SNTB2: variants seen among roughly 807,000 people sequenced by gnomAD.
SNTB2 encodes beta-2-syntrophin.
SNTB2 carries 34 observed loss-of-function variants against 46.2 expected under a neutral mutation model. That is an observed-to-expected ratio of 0.74 (90% CI 0.56 to 0.98). The LOEUF is 0.98. SNTB2 is among the 50% of genes least tolerant of loss of function. The pLI is 0.00. For missense variants in SNTB2, 603 were observed against 731.4 expected, an observed-to-expected ratio of 0.82 and a Z score of 2.02; for synonymous variants, 290 against 312.6, an observed-to-expected ratio of 0.93 and a Z score of 0.76.
chr16:69,222,585 T>A (rs1964416690), intron 1 of SNTB2, among the ~76,000 whole-genome samples: 1 of 148,678 alleles, frequency 6.7e-6, no homozygotes, highest in African/African-American at 2.5e-5. Flanking sequence ...AGAGTGAGAC[T>A]TCATCTCAAA....
At chr16:69,238,691 C>T (rs141277538) in intron 1 of SNTB2, among the ~76,000 whole-genome samples, 213 of 152,184 alleles carry the variant, frequency 1.4e-3, no homozygotes, top group African/African-American at 4.7e-3. Flanking sequence ...TAGCCTTGTT[C>T]GGGACAAAAA....
intron 2 of SNTB2, among the ~76,000 whole-genome samples, chr16:69,251,174 T>C (rs1476978098): frequency 6.6e-6 from 1 of 150,914 alleles, no homozygotes; most frequent in Non-Finnish European, 1.5e-5. Context: ...GAGACGGGGT[T>C]TCACCGTTTT....
At chr16:69,289,174 C>G (rs1965135208) in intron 5 of SNTB2, among the ~76,000 whole-genome samples, 1 of 148,354 alleles carries the variant, frequency 6.7e-6, no homozygotes, top group South Asian at 2.1e-4. Context: ...GAGGCTGAGG[C>G]AAGAGAATTG....
intron 1 of SNTB2, 87 bp from the exon 2 acceptor site, chr16:69,245,515 G>T: frequency 7.7e-7 from 1 of 1,293,884 alleles, no homozygotes; most frequent in Admixed American, 1.7e-5. Context: ...CTTTGTTATA[G>T]ATATAGCATG....
intron 5 of SNTB2, among the ~76,000 whole-genome samples, chr16:69,287,000 A>G (rs1003343569): frequency 6.6e-6 from 1 of 152,208 alleles, no homozygotes; most frequent in African/African-American, 2.4e-5. Flanking sequence ...GTATCTAGCA[A>G]GTTTATGGCT....
intron 4 of SNTB2, among the ~76,000 whole-genome samples, chr16:69,281,499 GTT>G (rs1182165949): frequency 1.8e-5 from 2 of 111,684 alleles, no homozygotes; most frequent in Admixed American, 8.9e-5. Flanking sequence ...TTTTTTTTTT[GTT>G]TTTTTTTTTT....
At chr16:69,275,946 C>T (rs1272793600) in intron 4 of SNTB2, among the ~76,000 whole-genome samples, 7 of 152,118 alleles carry the variant, frequency 4.6e-5, no homozygotes, top group Non-Finnish European at 1.0e-4. Context: ...TATTGGATTG[C>T]ACATTTACAG....
At chr16:69,226,983 A>T (rs1964464677) in intron 1 of SNTB2, among the ~76,000 whole-genome samples, 1 of 152,216 alleles carries the variant, frequency 6.6e-6, no homozygotes, top group African/African-American at 2.4e-5. Context: ...AGCAGATAAG[A>T]TTATACATAT....
chr16:69,210,291 G>A (rs543796479), intron 1 of SNTB2, among the ~76,000 whole-genome samples: 4 of 152,130 alleles, frequency 2.6e-5, no homozygotes, highest in Admixed American at 2.6e-4. Context: ...AGGCTGGAGT[G>A]CAGTGGCGCA....
chr16:69,283,993 C>T (rs1965075282), intron 4 of SNTB2, 55 bp from the exon 5 acceptor site: 1 of 1,469,902 alleles, frequency 6.8e-7, no homozygotes, highest in Admixed American at 2.2e-5. Context: ...AAATTCCTGA[C>T]ATTTTTGTCT....
chr16:69,224,993 A>T (rs1410264205), intron 1 of SNTB2, among the ~76,000 whole-genome samples: 1 of 152,196 alleles, frequency 6.6e-6, no homozygotes, highest in East Asian at 1.9e-4. Context: ...CTACAGTGGA[A>T]TTCATTAGTA....
chr16:69,192,428 G>A (rs1186210638), intron 1 of SNTB2, among the ~76,000 whole-genome samples: 1 of 152,176 alleles, frequency 6.6e-6, no homozygotes, highest in Non-Finnish European at 1.5e-5. Flanking sequence ...ATAATTTGGA[G>A]AGTGTTACCC....
intron 2 of SNTB2, among the ~76,000 whole-genome samples, chr16:69,258,617 T>TA (rs1409922151): frequency 6.9e-6 from 1 of 143,888 alleles, no homozygotes; most frequent in African/African-American, 2.6e-5. Flanking sequence ...TTTTTTTTTT[T>TA]TTTTTTTTTT....
At chr16:69,247,555 A>C (rs564251946) in intron 2 of SNTB2, among the ~76,000 whole-genome samples, 1 of 152,110 alleles carries the variant, frequency 6.6e-6, no homozygotes, top group Non-Finnish European at 1.5e-5. Flanking sequence ...TTAAGGCTTT[A>C]AAGCTTCTGC....
At chr16:69,204,627 A>C (rs1460460273) in intron 1 of SNTB2, among the ~76,000 whole-genome samples, 1 of 152,206 alleles carries the variant, frequency 6.6e-6, no homozygotes, top group Non-Finnish European at 1.5e-5. Flanking sequence ...AAATGAATTG[A>C]CTGTGGAGTT....
At chr16:69,251,311 A>G (rs1964723412) in intron 2 of SNTB2, among the ~76,000 whole-genome samples, 1 of 151,044 alleles carries the variant, frequency 6.6e-6, no homozygotes, top group Non-Finnish European at 1.5e-5. Flanking sequence ...AGTCACTTGA[A>G]CAATTTCCAG....
At chr16:69,202,400 G>T (rs957917213) in intron 1 of SNTB2, among the ~76,000 whole-genome samples, 4 of 146,480 alleles carry the variant, frequency 2.7e-5, no homozygotes, top group Admixed American at 1.4e-4. Context: ...TGAACTGTTA[G>T]AATTTTTTTT....
chr16:69,305,021 A>T lies in SNTB2; in HGVS notation c.*4097A>T, dbSNP rs1965306245. ...AGCTGTGTGGAATCTGGACAAGGCT[A>T]TGTTTCTCCTAGAAACAGGTTTTGC... On this transcript the variant is annotated 3_prime_UTR_variant, in exon 7 of 7. Transcript: ENST00000336278. 6.6e-6 allele frequency: 1 copy of T among 151,408 alleles called. No homozygotes were observed. Among genetic ancestry groups the T allele is most frequent in the Non-Finnish European group, 1.5e-5 (1 of 68,004 alleles). The allele number at this position is 151,408 out of a possible 1,614,324, so 9.4% of individuals were successfully genotyped here.
chr16:69,260,333 C>T (rs1435078102), intron 3 of SNTB2, 73 bp downstream of exon 3: 49 of 1,361,082 alleles, frequency 3.6e-5, no homozygotes, highest in Non-Finnish European at 5.0e-5. Flanking sequence ...TTTAATATAT[C>T]TGTAATACTT....
Sources: gnomAD v4.1 joint callset for allele counts (sites outside exome capture counted in the v4.1 genomes callset) on GRCh38, gnomAD v4.1.1 for gene constraint, MANE v1.5 for transcripts, NCBI Gene and HGNC (gene_info 2026-07-23, HGNC 2026-07-21) for gene names.